The following NWD2 variants were observed in gnomAD, a reference collection of about 807,000 sequenced individuals.
The protein encoded by NWD2 is NACHT and WD repeat domain-containing protein 2.
In NWD2, 37 loss-of-function variants were observed where a neutral mutation model predicts 132.7. The observed-to-expected ratio is 0.28, with a 90% CI of 0.21 to 0.37. The LOEUF (loss-of-function observed/expected upper bound fraction) is 0.37. NWD2 is among the 10% of genes least tolerant of loss of function. The pLI, the probability that NWD2 is intolerant of heterozygous loss-of-function variation, is 1.00. For missense variants in NWD2, 1,592 were observed against 2,122.4 expected, an observed-to-expected ratio of 0.75 and a Z score of 4.91; for synonymous variants, 705 against 803.0, an observed-to-expected ratio of 0.88 and a Z score of 2.06.
chr4:37,437,804 T>A (rs1712360900), intron 5 of NWD2, among the ~76,000 whole-genome samples: 1 of 152,210 alleles, frequency 6.6e-6, no homozygotes, highest in Non-Finnish European at 1.5e-5. Flanking sequence ...TATATGTACT[T>A]GTGTGCAAGC....
At chr4:37,437,203 G>A (rs1453194775) in intron 5 of NWD2, among the ~76,000 whole-genome samples, 1 of 152,094 alleles carries the variant, frequency 6.6e-6, no homozygotes, top group East Asian at 1.9e-4. Flanking sequence ...CCAGCCCTGT[G>A]TATTCAGAGC....
At chr4:37,424,085 T>C (rs1206200461) in intron 3 of NWD2, among the ~76,000 whole-genome samples, 2 of 152,232 alleles carry the variant, frequency 1.3e-5, no homozygotes, top group South Asian at 2.1e-4. Flanking sequence ...CAACCACCAT[T>C]GTCCTCCCAC....
intron 2 of NWD2, among the ~76,000 whole-genome samples, chr4:37,333,503 T>C (rs1719335979): frequency 6.6e-6 from 1 of 152,188 alleles, no homozygotes; most frequent in African/African-American, 2.4e-5. Context: ...AGCCACGTGT[T>C]ACTGGGCTTG....
chr4:37,316,373 A>G (rs10005045), intron 1 of NWD2, among the ~76,000 whole-genome samples: 11,062 of 151,502 alleles, frequency 0.073, 1,241 homozygotes, highest in African/African-American at 0.24. Flanking sequence ...CTGTTCCCTT[A>G]TATGTGATAA....
chr4:37,253,376 C>T (rs1223742260), intron 1 of NWD2, among the ~76,000 whole-genome samples: 1 of 152,138 alleles, frequency 6.6e-6, no homozygotes, highest in Non-Finnish European at 1.5e-5. Context: ...TGGTGGACCT[C>T]CAGAGACCCT....
chr4:37,332,247 C>T (rs1447175211), intron 2 of NWD2, among the ~76,000 whole-genome samples: 2 of 152,244 alleles, frequency 1.3e-5, no homozygotes, highest in African/African-American at 4.8e-5. Context: ...CAACCCCAGG[C>T]AGTGCAGCTC....
At chr4:37,308,186 A>C (rs1201174591) in intron 1 of NWD2, among the ~76,000 whole-genome samples, 2 of 152,130 alleles carry the variant, frequency 1.3e-5, no homozygotes, top group Non-Finnish European at 2.9e-5. Context: ...TGTTTTTTAC[A>C]TCCCTATGTT....
chr4:37,381,479 G>A (rs1036624748), intron 3 of NWD2, among the ~76,000 whole-genome samples: 4 of 152,154 alleles, frequency 2.6e-5, no homozygotes, highest in Non-Finnish European at 5.9e-5. Context: ...TGGAGTGCGA[G>A]GAGATTAACA....
Position 37,341,623 on chromosome 4 carries a change from G to A in NWD2, c.241-14743G>A, listed in dbSNP as rs139452058. 3.7e-3 allele frequency among the ~76,000 whole-genome samples: 565 copies of A among 152,208 alleles called. 6 individuals are homozygous for A. Among genetic ancestry groups the A allele is most frequent in the African/African-American group, 0.013 (527 of 41,510 alleles). ...TCTAGACACTATCTTTGGGATGACA[G>A]GAAGCTTAAGCAGAGAAGGTGTAAA... On this transcript the variant is annotated intron_variant, in intron 2 of 6. Transcript: ENST00000309447.
intron 2 of NWD2, among the ~76,000 whole-genome samples, chr4:37,340,048 A>G (rs976246002): frequency 9.2e-5 from 14 of 151,634 alleles, no homozygotes; most frequent in Admixed American, 3.9e-4. Flanking sequence ...AAGTCTTCAT[A>G]TAATAAAAAG....
chr4:37,294,594 G>T (rs1003269909), intron 1 of NWD2, among the ~76,000 whole-genome samples: 1 of 152,184 alleles, frequency 6.6e-6, no homozygotes, highest in African/African-American at 2.4e-5. Context: ...TCTCTATGTT[G>T]TAGATATTCC....
At chr4:37,333,840 T>C (rs1169412743) in intron 2 of NWD2, among the ~76,000 whole-genome samples, 1 of 152,050 alleles carries the variant, frequency 6.6e-6, no homozygotes, top group Non-Finnish European at 1.5e-5. Flanking sequence ...AGAAGGAATA[T>C]GGGATCCTAT....
At chr4:37,263,717 AG>A (rs535114755) in intron 1 of NWD2, among the ~76,000 whole-genome samples, 333 of 152,302 alleles carry the variant, frequency 2.2e-3, no homozygotes, top group Non-Finnish European at 2.3e-3. Flanking sequence ...GAAAGAGAAG[AG>A]GGAGGGGAGG....
At chr4:37,396,421 C>T (rs1169366538) in intron 3 of NWD2, among the ~76,000 whole-genome samples, 1 of 152,196 alleles carries the variant, frequency 6.6e-6, no homozygotes, top group Non-Finnish European at 1.5e-5. Context: ...TGACCATGCC[C>T]ATCTCTGGAA....
chr4:37,251,627 T>C (rs1277066842), intron 1 of NWD2, among the ~76,000 whole-genome samples: 1 of 152,196 alleles, frequency 6.6e-6, no homozygotes, highest in Non-Finnish European at 1.5e-5. Flanking sequence ...TGTTAGCCAC[T>C]ATGACTCCTG....
chr4:37,376,666 A>C (rs1490872853), intron 3 of NWD2, among the ~76,000 whole-genome samples: 1 of 152,206 alleles, frequency 6.6e-6, no homozygotes, highest in African/African-American at 2.4e-5. Flanking sequence ...TTTATTGATA[A>C]TACTACTTGA....
At chr4:37,407,331 A>G (rs141713150) in intron 3 of NWD2, among the ~76,000 whole-genome samples, 18 of 147,310 alleles carry the variant, frequency 1.2e-4, no homozygotes, top group Admixed American at 6.7e-5. Flanking sequence ...CACCCAGCTA[A>G]ATCTACACTG....
At chr4:37,338,547 G>A (rs548580357) in intron 2 of NWD2, among the ~76,000 whole-genome samples, 2 of 152,348 alleles carry the variant, frequency 1.3e-5, no homozygotes, top group South Asian at 4.1e-4. Flanking sequence ...GCTAACCAGA[G>A]GACGAAGAAT....
chr4:37,404,300 A>T (rs970448003), intron 3 of NWD2, among the ~76,000 whole-genome samples: 1 of 152,190 alleles, frequency 6.6e-6, no homozygotes, highest in Non-Finnish European at 1.5e-5. Flanking sequence ...CTCTGTTGTT[A>T]TTATTGCCGG....
Sources: allele counts gnomAD v4.1 joint callset (sites outside exome capture counted in the v4.1 genomes callset), GRCh38; gene constraint gnomAD v4.1.1; transcripts MANE v1.5; gene names NCBI Gene and HGNC (gene_info 2026-07-23, HGNC 2026-07-21).